Variants in WASHC3 observed in about 807,000 individuals in gnomAD.
WASHC3 encodes WASH complex subunit 3.
WASHC3 carries 24 observed loss-of-function variants against 26.1 expected under a neutral mutation model. The ratio of observed to expected loss-of-function variants is 0.92; its 90% confidence interval spans 0.66 to 1.29. The LOEUF (loss-of-function observed/expected upper bound fraction) is 1.29, where lower values mean the gene tolerates loss of function less well. Ranked by LOEUF, WASHC3 falls within the 50% of genes most tolerant of loss-of-function variation. The pLI is 0.00. For synonymous variants in WASHC3, 77 were observed against 75.7 expected (o/e 1.02, Z -0.09); for missense variants, 214 against 229.6 (o/e 0.93, Z 0.44).
At chr12:102,054,844 A>C (rs1416814178) in intron 2 of WASHC3, among the ~76,000 whole-genome samples, 2 of 152,210 alleles carry the variant, frequency 1.3e-5, no homozygotes, top group East Asian at 3.8e-4. Flanking sequence ...ACGAAATTAA[A>C]AGTATTTTGA....
At chr12:102,046,865 A>G (rs977884290) in intron 2 of WASHC3, among the ~76,000 whole-genome samples, 4 of 152,250 alleles carry the variant, frequency 2.6e-5, no homozygotes, top group Admixed American at 2.6e-4. Context: ...GTCTGCCTTT[A>G]TAAATTACTT....
intron 5 of WASHC3, among the ~76,000 whole-genome samples, chr12:102,030,321 A>T (rs2121367366): frequency 6.6e-6 from 1 of 150,684 alleles, no homozygotes; most frequent in African/African-American, 2.4e-5. Context: ...AAATTATTGT[A>T]TTTTATGAAA....
intron 5 of WASHC3, among the ~76,000 whole-genome samples, chr12:102,032,081 C>A (rs148452622): frequency 6.6e-6 from 1 of 152,256 alleles, no homozygotes; most frequent in Non-Finnish European, 1.5e-5. Context: ...TTCACAAGGT[C>A]CAAGGTGCAT....
At chr12:102,045,248 A>G (rs2136674761) in intron 3 of WASHC3, among the ~76,000 whole-genome samples, 1 of 152,302 alleles carries the variant, frequency 6.6e-6, no homozygotes, top group Middle Eastern at 3.4e-3. Context: ...GAACATGTTC[A>G]AGACCGGGTT....
At chr12:102,015,379 T>G (rs543128945) in intron 6 of WASHC3, among the ~76,000 whole-genome samples, 2 of 152,324 alleles carry the variant, frequency 1.3e-5, no homozygotes, top group East Asian at 3.9e-4. Flanking sequence ...AACCATTTAT[T>G]GATACATGTG....
At chr12:102,034,303 T>C (rs1324739638) in intron 5 of WASHC3, among the ~76,000 whole-genome samples, 1 of 152,184 alleles carries the variant, frequency 6.6e-6, no homozygotes, top group African/African-American at 2.4e-5. Flanking sequence ...ATCTGTATTC[T>C]TTCCATGTCA....
intron 5 of WASHC3, among the ~76,000 whole-genome samples, chr12:102,029,531 T>C (rs1053605585): frequency 6.6e-6 from 1 of 152,248 alleles, no homozygotes; most frequent in Non-Finnish European, 1.5e-5. Context: ...TGCCAATATT[T>C]ACATTTATTT....
At chr12:102,038,743 A>G (rs2136665106) in intron 5 of WASHC3, among the ~76,000 whole-genome samples, 1 of 152,176 alleles carries the variant, frequency 6.6e-6, no homozygotes, top group Non-Finnish European at 1.5e-5. Flanking sequence ...TAGGCTTCAG[A>G]AAAAAAGAAC....
chr12:102,059,419 A>G (rs1289046853), intron 2 of WASHC3, among the ~76,000 whole-genome samples: 1 of 152,220 alleles, frequency 6.6e-6, no homozygotes, highest in African/African-American at 2.4e-5. Context: ...ACTTTTCTCT[A>G]GAGTTCAAAG....
At chr12:102,056,182 G>A (rs1878586466) in intron 2 of WASHC3, among the ~76,000 whole-genome samples, 1 of 152,166 alleles carries the variant, frequency 6.6e-6, no homozygotes, top group Admixed American at 6.5e-5. Flanking sequence ...TATTACTGTT[G>A]AGGCATATAT....
intron 5 of WASHC3, among the ~76,000 whole-genome samples, chr12:102,032,263 T>TA (rs1877468158): frequency 6.6e-6 from 1 of 152,104 alleles, no homozygotes; most frequent in Non-Finnish European, 1.5e-5. Flanking sequence ...AATAGAGCTT[T>TA]AAAAAAATCT....
chr12:102,018,630 G>A (rs910236164), intron 6 of WASHC3, among the ~76,000 whole-genome samples: 18 of 151,900 alleles, frequency 1.2e-4, no homozygotes, highest in African/African-American at 3.4e-4. Context: ...ACTCTATCGC[G>A]CCTGGCTAAT....
rs539971492 is a variant in WASHC3, at chr12:102,055,534, C to A, written c.150+5714G>T. On this transcript the variant is annotated intron_variant, in intron 2 of 6. Coordinates refer to ENST00000240079, the MANE Select transcript of WASHC3 (RefSeq NM_016053.4). ...TTAATTTTTGTATTTTTAGTAGAGA[C>A]AGCATTCCACCATGTTGGCCAGGCT... is the stretch of plus-strand genomic sequence containing the variant. 1.7e-3 allele frequency among the ~76,000 whole-genome samples: 258 copies of A among 152,266 alleles called. 2 individuals carry two copies. Among genetic ancestry groups the A allele is most frequent in the Non-Finnish European group, 2.7e-3 (184 of 68,008 alleles).
chr12:102,048,000 A>G (rs960006933), intron 2 of WASHC3, among the ~76,000 whole-genome samples: 3 of 152,206 alleles, frequency 2.0e-5, no homozygotes, highest in Non-Finnish European at 4.4e-5. Context: ...ACACTTCACG[A>G]GATTTTTTTG....
At chr12:102,045,126 TAAG>T (rs1878106512) in intron 3 of WASHC3, among the ~76,000 whole-genome samples, 4 of 151,954 alleles carry the variant, frequency 2.6e-5, no homozygotes, top group Admixed American at 1.3e-4. Context: ...CCAATGGTAA[TAAG>T]ATCTCAAGCA....
chr12:102,017,408 C>T (rs952781287), intron 6 of WASHC3, among the ~76,000 whole-genome samples: 4 of 152,250 alleles, frequency 2.6e-5, no homozygotes, highest in Middle Eastern at 6.8e-3. Context: ...CTGCTGAAGT[C>T]GGTCAGAGAA....
intron 2 of WASHC3, among the ~76,000 whole-genome samples, chr12:102,047,839 A>C (rs1397230588): frequency 2.6e-5 from 4 of 152,232 alleles, no homozygotes; most frequent in Non-Finnish European, 5.9e-5. Context: ...TTACCTTGCT[A>C]CATATGGTAC....
At chr12:102,033,829 T>C (rs1003141212) in intron 5 of WASHC3, among the ~76,000 whole-genome samples, 11 of 152,016 alleles carry the variant, frequency 7.2e-5, no homozygotes, top group East Asian at 5.8e-4. Flanking sequence ...CTAAAACTGT[T>C]TCTATAAGCT....
intron 6 of WASHC3, among the ~76,000 whole-genome samples, chr12:102,024,128 T>G (rs1158596246): frequency 6.6e-6 from 1 of 152,092 alleles, no homozygotes; most frequent in African/African-American, 2.4e-5. Flanking sequence ...CTGCAAGTAG[T>G]TTGCTATGGC....
Sources: allele counts gnomAD v4.1 joint callset (sites outside exome capture counted in the v4.1 genomes callset), GRCh38; gene constraint gnomAD v4.1.1; transcripts MANE v1.5; gene names NCBI Gene and HGNC (gene_info 2026-07-23, HGNC 2026-07-21).